GDPD3: variants seen among roughly 807,000 people sequenced by gnomAD.
The protein encoded by GDPD3 is glycerophosphodiester phosphodiesterase domain containing 3, also known as lysophospholipase D GDPD3.
Under a neutral mutation model 43.7 loss-of-function variants are expected in GDPD3, and 40 were observed. That is an observed-to-expected ratio of 0.91 (90% CI 0.71 to 1.19). The LOEUF is 1.19. Ranked by LOEUF, GDPD3 falls within the 50% of genes most tolerant of loss-of-function variation. GDPD3 has a pLI of 0.00. For missense variants in GDPD3, 363 were observed against 415.8 expected, an observed-to-expected ratio of 0.87 and a Z score of 1.11; for synonymous variants, 145 against 162.9, an observed-to-expected ratio of 0.89 and a Z score of 0.84.
intron 9 of GDPD3, among the ~76,000 whole-genome samples, chr16:30,106,025 C>T (rs993400001): frequency 2.6e-5 from 4 of 151,920 alleles, no homozygotes; most frequent in East Asian, 2.0e-4. Context: ...GCAGGAGAAT[C>T]GCTTGAACCC....
At chr16:30,108,060 TCC>T in intron 9 of GDPD3, 151 bp downstream of exon 9, 2 of 604,018 alleles carry the variant, frequency 3.3e-6, no homozygotes, top group South Asian at 4.0e-5. Context: ...TGTGTGTGTA[TCC>T]AGAGAGTTAA....
In GDPD3 at chr16:30,112,410, C is replaced by T. The variant is rs372092356; in HGVS notation, c.379G>A (p.Gly127Arg). 12 of 1,614,066 alleles carry T rather than the reference C, an allele frequency of 7.4e-6. No homozygotes were observed. Among genetic ancestry groups the T allele is most frequent in the East Asian group, 2.2e-5 (1 of 44,896 alleles). ...VYFSPGHFAH[G>R]SDRRMVRLED... The stretch of plus-strand genomic sequence containing the variant: ...AGACGAACCATGCGCCGGTCTGACC[C>T]GTGAGCAAAGTGGCCTGGGGGTGGT... The change falls in exon 5 of 10, where the codon GGG becomes AGG. Residue 127 changes from glycine (G) to arginine (R), a missense_variant. Transcript: ENST00000406256. The surrounding 1 kb of genome is among the most constrained non-coding windows in gnomAD (Gnocchi z 5.4).
At position 30,111,472 on chromosome 16, in the gene GDPD3, A is replaced by T. The variant is rs767470914; in HGVS notation, c.623T>A (p.Leu208Gln). Residue 208 changes from leucine (L) to glutamine (Q), a missense_variant, in exon 7 of 10, where the codon CTG (leucine) becomes CAG (glutamine). Leu to Gln is a moderately radical substitution (Grantham distance 113). Coordinates refer to ENST00000406256, the MANE Select transcript of GDPD3 (RefSeq NM_024307.3). ...SFTISRGFWV[L>Q]LSYYLGLLPF... ...CAGCAGCCCCAGGTAGTAGGAAAGC[A>T]GCACCCAGAATCCTCGGCTTATTGT... The T allele has an allele frequency of 6.2e-7, 1 of 1,614,080 alleles. No homozygotes were observed.
In GDPD3 at chr16:30,111,316, A is replaced by C. The variant is rs574796998; in HGVS notation, c.707+72T>G. On this transcript the variant is annotated intron_variant, in intron 7 of 9. Coordinates refer to ENST00000406256, the MANE Select transcript of GDPD3 (RefSeq NM_024307.3). ...TCTGAGGGGAGCTGGGGAGCTGGGA[A>C]GATCTGGGCTCCTTCTCCACGGAGA... 2.6e-6 allele frequency: 4 copies of C among 1,528,590 alleles called. No individual in the cohort carries two copies. The East Asian group carries it at 9.1e-5, about 35-fold the overall frequency. The allele number at this position is 1,528,590 out of a possible 1,614,324, so 94.7% of individuals were successfully genotyped here. A position where few individuals can be genotyped will look rare whatever the true frequency, so the allele number is the denominator to read the frequency against.
intron 6 of GDPD3, chr16:30,111,894 C>T: frequency 1.7e-6 from 1 of 577,984 alleles, no homozygotes; most frequent in Non-Finnish European, 3.1e-6. Context: ...GGTCGCACCA[C>T]CGCACTCCAG....
chr16:30,108,268 G>A lies in GDPD3; in HGVS notation c.768-4C>T, dbSNP rs370294642. Reference sequence around the variant, plus strand: ...CAGACTCTTCCTCATGATCAGCCTGGGGGTGGGGTGGGGACGTGGGAGGTG... The same window carrying A: ...CAGACTCTTCCTCATGATCAGCCTGAGGGTGGGGTGGGGACGTGGGAGGTG... On this transcript the variant is annotated splice_polypyrimidine_tract_variant and splice_region_variant and intron_variant, in intron 8 of 9. Coordinates refer to ENST00000406256, the MANE Select transcript of GDPD3 (RefSeq NM_024307.3). 5 of 1,612,636 alleles carry A rather than the reference G, an allele frequency of 3.1e-6. No individual in the cohort carries two copies. Among genetic ancestry groups the A allele is most frequent in the East Asian group, 4.5e-5 (2 of 44,778 alleles).
intron 9 of GDPD3, 36 bp from the exon 10 acceptor site, chr16:30,105,045 C>T (rs1413124942): frequency 1.9e-6 from 3 of 1,559,984 alleles, no homozygotes; most frequent in Admixed American, 1.9e-5. Flanking sequence ...AGATTCTGAA[C>T]AATTTTACAT....
chr16:30,113,168 C>T lies in GDPD3; in HGVS notation c.140-104G>A. 1 of 1,369,752 alleles carries T rather than the reference C, an allele frequency of 7.3e-7. No individual in the cohort carries two copies. Among genetic ancestry groups the T allele is most frequent in the African/African-American group, 1.4e-5 (1 of 69,790 alleles). The allele number at this position is 1,369,752 out of a possible 1,614,324, so 84.8% of individuals were successfully genotyped here. ...CTGGGCTCCATCCTCCCTCTGGCCT[C>T]ACCTCCCCAGCCAGCCCAGGCTGCG... On this transcript the variant is annotated intron_variant, in intron 1 of 9. Coordinates refer to ENST00000406256, the MANE Select transcript of GDPD3 (RefSeq NM_024307.3). This position sits in a 1 kb window ranked among gnomAD's most constrained non-coding sequence, Gnocchi z 5.9.
intron 6 of GDPD3, 191 bp downstream of exon 6, chr16:30,111,941 A>C: frequency 1.7e-6 from 1 of 602,448 alleles, no homozygotes; most frequent in Non-Finnish European, 2.9e-6. Context: ...TCAAAAAAGA[A>C]AAAAAACAAA....
At chr16:30,106,335 T>C (rs925151680) in intron 9 of GDPD3, among the ~76,000 whole-genome samples, 1 of 152,252 alleles carries the variant, frequency 6.6e-6, no homozygotes, top group Admixed American at 6.5e-5. Context: ...CTGGCCAAGA[T>C]GGGAGTATTT....
intron 7 of GDPD3, among the ~76,000 whole-genome samples, chr16:30,109,336 G>A (rs1015744407): frequency 6.6e-6 from 1 of 152,128 alleles, no homozygotes; most frequent in Admixed American, 6.5e-5. Context: ...ATGGCGAAAC[G>A]CCGTCTCTAC....
rs183676236 is a variant in GDPD3, at chr16:30,111,801, C to T, written c.574-280G>A. The T allele has an allele frequency of 7.0e-4, 367 of 521,330 alleles. 2 individuals are homozygous for T. The highest frequency in any genetic ancestry group is 6.3e-3 in the African/African-American group (328 of 52,254). 32.3% of individuals were successfully genotyped at this position (521,330 alleles called of 1,614,324 possible). A position where few individuals can be genotyped will look rare whatever the true frequency, so the allele number is the denominator to read the frequency against. On this transcript the variant is annotated intron_variant, in intron 6 of 9. Transcript: ENST00000406256. The stretch of plus-strand genomic sequence containing the variant: ...TACAAAAATTAGCTGGGCGTGGTGG[C>T]GTGCACCTGTAATCCCAGCTACTCG...
Position 30,112,583 on chromosome 16 carries a change from A to C in GDPD3, c.319-15T>G, listed in dbSNP as rs1366830068. 6.2e-7 allele frequency: 1 copy of C among 1,614,092 alleles called. No homozygotes were observed. The highest frequency in any genetic ancestry group is 1.6e-4 in the Middle Eastern group (1 of 6,062). On this transcript the variant is annotated splice_polypyrimidine_tract_variant and intron_variant, in intron 3 of 9. Transcript: ENST00000406256. The surrounding 1 kb of genome is among the most constrained non-coding windows in gnomAD (Gnocchi z 5.4). The stretch of plus-strand genomic sequence containing the variant: ...AGGGGCAGGTCCTGGGGAGGACAGG[A>C]AGGATGTCACTAGAGGCCCGCATTG...
Position 30,112,397 on chromosome 16 carries a change from C to G in GDPD3, c.392G>C (p.Arg131Pro), listed in dbSNP as rs200678682. ...GAACAGGTCCTCCAGACGAACCATGCGCCGGTCTGACCCGTGAGCAAAGTG... is the reference window on the plus strand; with the variant it reads ...GAACAGGTCCTCCAGACGAACCATGGGCCGGTCTGACCCGTGAGCAAAGTG... ...PGHFAHGSDR[R>P]MVRLEDLFQR... The change falls in exon 5 of 10, where the codon CGC (arginine) becomes CCC (proline). Residue 131 changes from arginine to proline, a missense_variant. Arg to Pro is a moderately radical substitution (Grantham distance 103). Coordinates refer to ENST00000406256, the MANE Select transcript of GDPD3 (RefSeq NM_024307.3). The surrounding 1 kb of genome is among the most constrained non-coding windows in gnomAD (Gnocchi z 5.4). 8.7e-6 allele frequency: 14 copies of G among 1,613,864 alleles called. No homozygotes were observed. In the East Asian group the frequency reaches 2.9e-4, roughly 33 times the overall value.
At chr16:30,107,364 T>C (rs533189386) in intron 9 of GDPD3, among the ~76,000 whole-genome samples, 2 of 140,004 alleles carry the variant, frequency 1.4e-5, no homozygotes, top group African/African-American at 5.3e-5. Flanking sequence ...CACCTTGGCC[T>C]CTCAAAGGGC....
chr16:30,106,365 TC>T (rs2072860887), intron 9 of GDPD3, among the ~76,000 whole-genome samples: 1 of 152,114 alleles, frequency 6.6e-6, no homozygotes. Context: ...AAATTAATCC[TC>T]AAATCAGGGC....
rs774760467 is a variant in GDPD3, at chr16:30,108,401, T to C, written c.739A>G (p.Asn247Asp). The change falls in exon 8 of 10, where the codon AAC becomes GAC. Residue 247 changes from asparagine to aspartate, a missense_variant. Coordinates refer to ENST00000406256, the MANE Select transcript of GDPD3 (RefSeq NM_024307.3). ...TTCGAAACCACAGCCAATAACTGGT[T>C]CAGGCAAGAGCAGGAAAATGGGAAA... Reference protein sequence around the residue: ...TYFPFSCSCLNQLLAVVSKWL... With the variant: ...TYFPFSCSCLDQLLAVVSKWL... 2 of 1,614,036 alleles carry C rather than the reference T, an allele frequency of 1.2e-6. No individual in the cohort carries two copies. Among genetic ancestry groups the C allele is most frequent in the South Asian group, 2.2e-5 (2 of 91,072 alleles).
intron 9 of GDPD3, 67 bp from the exon 10 acceptor site, chr16:30,105,076 T>A: frequency 1.5e-6 from 2 of 1,357,128 alleles, no homozygotes; most frequent in Non-Finnish European, 2.1e-6. Flanking sequence ...GGGACCCACC[T>A]CCTCCTCTAT....
Position 30,112,464 on chromosome 16 carries a change from G to A in GDPD3, c.365-40C>T, listed in dbSNP as rs763409065. 7 of 1,613,804 alleles carry A rather than the reference G, an allele frequency of 4.3e-6. No homozygotes were observed. In the Admixed American group the frequency reaches 6.7e-5, roughly 15 times the overall value. On this transcript the variant is annotated intron_variant, in intron 4 of 9. Transcript: ENST00000406256. This position sits in a 1 kb window ranked among gnomAD's most constrained non-coding sequence, Gnocchi z 5.4. ...GGAAAAGGGGTCAGAGGGAAGCCAA[G>A]GCGGAGGTCCAAGGAAGGCAGGCAT...
Sources: gnomAD v4.1 joint callset for allele counts (sites outside exome capture counted in the v4.1 genomes callset) on GRCh38, gnomAD v4.1.1 for gene constraint, Gnocchi (gnomAD v3.1) non-coding constraint, MANE v1.5 for transcripts, NCBI Gene and HGNC (gene_info 2026-07-23, HGNC 2026-07-21) for gene names.